Variants in DPP10 observed in about 807,000 individuals in gnomAD.
DPP10 encodes the protein inactive dipeptidyl peptidase 10.
Under a neutral mutation model 120.9 loss-of-function variants are expected in DPP10, and 33 were observed. That is an observed-to-expected ratio of 0.27 (90% confidence interval 0.21 to 0.37). DPP10 has a LOEUF of 0.37. DPP10 is among the 10% of genes least tolerant of loss of function. The pLI is 1.00. For missense variants in DPP10, 816 were observed against 942.8 expected (o/e 0.87, Z 1.76); for synonymous variants, 337 against 326.1 (o/e 1.03, Z -0.36).
intron 3 of DPP10, among the ~76,000 whole-genome samples, chr2:115,351,425 G>A (rs1191331527): frequency 5.3e-5 from 8 of 152,060 alleles, no homozygotes; most frequent in Admixed American, 4.6e-4. Context: ...TGGGTACTAC[G>A]TTCACTATCT....
At chr2:114,484,773 T>C (rs1260263340) in intron 1 of DPP10, among the ~76,000 whole-genome samples, 1 of 152,134 alleles carries the variant, frequency 6.6e-6, no homozygotes, top group Non-Finnish European at 1.5e-5. Flanking sequence ...ATATATACAA[T>C]CATATAATAC....
At chr2:114,993,447 C>T (rs916983183) in intron 1 of DPP10, among the ~76,000 whole-genome samples, 40 of 151,246 alleles carry the variant, frequency 2.6e-4, no homozygotes, top group African/African-American at 9.2e-4. Context: ...GACACATACA[C>T]ACCTATTTAC....
chr2:115,584,792 TACTA>T (rs1211991486), intron 5 of DPP10, among the ~76,000 whole-genome samples: 5 of 152,218 alleles, frequency 3.3e-5, no homozygotes, highest in Non-Finnish European at 7.3e-5. Context: ...GAATGGTTCT[TACTA>T]ATGGTACATA....
chr2:115,718,817 G>C (rs2092571137), intron 7 of DPP10, among the ~76,000 whole-genome samples: 1 of 152,046 alleles, frequency 6.6e-6, no homozygotes, highest in Admixed American at 6.6e-5. Context: ...AGGAAAATAA[G>C]GCATGACAAT....
intron 21 of DPP10, among the ~76,000 whole-genome samples, chr2:115,830,708 T>C (rs540244393): frequency 7.2e-5 from 11 of 152,242 alleles, no homozygotes; most frequent in African/African-American, 2.6e-4. Flanking sequence ...ATGCCAGGAT[T>C]AGAGTGAATG....
chr2:114,679,684 T>G (rs1293522670), intron 1 of DPP10, among the ~76,000 whole-genome samples: 1 of 152,022 alleles, frequency 6.6e-6, no homozygotes, highest in African/African-American at 2.4e-5. Context: ...ATTTAGATAA[T>G]CTATCATAAA....
chr2:114,925,387 T>A (rs983534438), intron 1 of DPP10, among the ~76,000 whole-genome samples: 1 of 152,054 alleles, frequency 6.6e-6, no homozygotes, highest in Non-Finnish European at 1.5e-5. Context: ...AAGAGTTCAT[T>A]CCCTCCTTCA....
At chr2:115,358,348 G>C (rs1189609387) in intron 3 of DPP10, among the ~76,000 whole-genome samples, 2 of 152,148 alleles carry the variant, frequency 1.3e-5, no homozygotes, top group Non-Finnish European at 2.9e-5. Flanking sequence ...GCTAAAGCAA[G>C]AGTGACCTTT....
At chr2:114,614,202 T>A (rs900432115) in intron 1 of DPP10, among the ~76,000 whole-genome samples, 1 of 152,204 alleles carries the variant, frequency 6.6e-6, no homozygotes, top group African/African-American at 2.4e-5. Context: ...TTCACCAGAC[T>A]GATTTATCTA....
At chr2:115,700,756 A>G (rs1337010496) in intron 7 of DPP10, among the ~76,000 whole-genome samples, 2 of 152,164 alleles carry the variant, frequency 1.3e-5, no homozygotes, top group Non-Finnish European at 2.9e-5. Flanking sequence ...TAAAAAGTCA[A>G]CACAGAGAAA....
chr2:114,527,227 C>T (rs1476067446), intron 1 of DPP10, among the ~76,000 whole-genome samples: 1 of 152,152 alleles, frequency 6.6e-6, no homozygotes, highest in African/African-American at 2.4e-5. Flanking sequence ...TCACTAAATC[C>T]TGCATACACT....
At chr2:114,791,772 C>T (rs142114805) in intron 1 of DPP10, among the ~76,000 whole-genome samples, 1 of 152,268 alleles carries the variant, frequency 6.6e-6, no homozygotes, top group African/African-American at 2.4e-5. Flanking sequence ...ACATCAGAAA[C>T]TTGCTACTCC....
intron 5 of DPP10, among the ~76,000 whole-genome samples, chr2:115,650,158 A>G (rs2087626821): frequency 6.6e-6 from 1 of 152,102 alleles, no homozygotes; most frequent in South Asian, 2.1e-4. Context: ...ACAGATTTTG[A>G]ATAAACAGAT....
rs1553443770 is a variant in DPP10 at position 114,455,156 on chromosome 2, T to TTTTGTGTGTGTGTGTG, written c.60+12319_60+12320insTTGTGTGTGTGTGTGT. ...GTTTTTTCAAGGGATTTTCTTTCTA[T>TTTTGTGTGTGTGTGTG]TGTGTGTGTGTGTGTGTGTGTGTGT... On this transcript the variant is annotated intron_variant, in intron 1 of 25. Coordinates refer to ENST00000410059, the MANE Select transcript of DPP10 (RefSeq NM_020868.6). 1.5e-3 allele frequency among the ~76,000 whole-genome samples: 222 copies of TTTTGTGTGTGTGTGTG among 147,490 alleles called. 1 individual carries two copies. The highest frequency in any genetic ancestry group is 5.4e-3 in the African/African-American group (216 of 39,910).
chr2:115,044,285 C>G (rs546041420), intron 1 of DPP10, among the ~76,000 whole-genome samples: 1 of 151,928 alleles, frequency 6.6e-6, no homozygotes, highest in Admixed American at 6.6e-5. Context: ...AAGTAAGATG[C>G]CTCACATGGC....
intron 3 of DPP10, among the ~76,000 whole-genome samples, chr2:115,452,881 G>A (rs1334762570): frequency 6.6e-6 from 1 of 151,818 alleles, no homozygotes; most frequent in East Asian, 1.9e-4. Flanking sequence ...ATAGTGATGA[G>A]CATATAGTAG....
chr2:115,651,354 A>G (rs926401940), intron 5 of DPP10, among the ~76,000 whole-genome samples: 3 of 152,204 alleles, frequency 2.0e-5, no homozygotes, highest in Admixed American at 6.6e-5. Flanking sequence ...GTGTCACATT[A>G]TAAGCTTTCT....
At chr2:115,327,669 G>A (rs2062447407) in intron 2 of DPP10, among the ~76,000 whole-genome samples, 2 of 151,978 alleles carry the variant, frequency 1.3e-5, no homozygotes, top group African/African-American at 4.8e-5. Context: ...CATAACTCAA[G>A]CAACTGACCA....
intron 1 of DPP10, among the ~76,000 whole-genome samples, chr2:114,867,376 A>G (rs1315261812): frequency 6.6e-6 from 1 of 152,178 alleles, no homozygotes; most frequent in African/African-American, 2.4e-5. Context: ...AATGCAATCA[A>G]AACTGGACTT....
Sources: gnomAD v4.1 joint callset for allele counts (sites outside exome capture counted in the v4.1 genomes callset) on GRCh38, gnomAD v4.1.1 for gene constraint, MANE v1.5 for transcripts, NCBI Gene and HGNC (gene_info 2026-07-23, HGNC 2026-07-21) for gene names.